The following KDM4C variants were observed in gnomAD, a reference collection of about 807,000 sequenced individuals.
KDM4C encodes the protein lysine-specific demethylase 4C.
In KDM4C, 81 loss-of-function variants were observed where a neutral mutation model predicts 129.3. The observed-to-expected ratio is 0.63, with a 90% CI of 0.52 to 0.75. The LOEUF (loss-of-function observed/expected upper bound fraction) is 0.75. Among genes scored for constraint, KDM4C ranks in the 30% least tolerant of loss-of-function variants. KDM4C has a pLI of 0.00. For synonymous variants in KDM4C, 573 were observed against 456.1 expected (o/e 1.26, Z -3.26); for missense variants, 1,457 against 1,304.0 (o/e 1.12, Z -1.81).
intron 6 of KDM4C, 57 bp from the exon 7 acceptor site, chr9:6,887,903 A>G (rs1845534885): frequency 9.8e-7 from 1 of 1,016,872 alleles, no homozygotes; most frequent in Admixed American, 1.7e-5. Flanking sequence ...TAAAAAACCT[A>G]TTTGATATTT....
At chr9:7,075,111 G>C (rs932267955) in intron 17 of KDM4C, among the ~76,000 whole-genome samples, 7 of 152,160 alleles carry the variant, frequency 4.6e-5, no homozygotes, top group Admixed American at 2.0e-4. Flanking sequence ...CATCCCAGCT[G>C]TGATGGTGGG....
intron 11 of KDM4C, among the ~76,000 whole-genome samples, chr9:6,989,579 T>A (rs1818358296): frequency 6.6e-6 from 1 of 152,174 alleles, no homozygotes. Context: ...AAAAAGAGAA[T>A]ACTTTTGGTT....
intron 8 of KDM4C, among the ~76,000 whole-genome samples, chr9:6,935,441 G>C (rs1681682489): frequency 6.6e-6 from 1 of 150,612 alleles, no homozygotes; most frequent in African/African-American, 2.4e-5. Context: ...TTTTGAGATG[G>C]AGTCTTGCTC....
intron 5 of KDM4C, among the ~76,000 whole-genome samples, chr9:6,865,113 A>T (rs1218649176): frequency 6.6e-6 from 1 of 151,398 alleles, no homozygotes; most frequent in Non-Finnish European, 1.5e-5. Flanking sequence ...GGTTCAAGCA[A>T]TTCTCCTGCT....
In KDM4C at chr9:7,169,885, C is replaced by G. The variant is rs1293302515; in HGVS notation, c.2989C>G (p.Arg997Gly). ...DEELPKRVKA[R>G]FSTASDMRFE... ...AGAGTTACCCAAGAGAGTGAAAGCT[C>G]GATTTGTAAGTGCTGGCAGATGCCA... The change falls in exon 21 of 22, where the codon CGA (arginine) becomes GGA (glycine). Residue 997 changes from arginine to glycine, a missense_variant. Transcript: ENST00000381309. 1.2e-6 allele frequency: 2 copies of G among 1,613,760 alleles called. No homozygotes were observed. Among genetic ancestry groups the G allele is most frequent in the Non-Finnish European group, 1.7e-6 (2 of 1,179,892 alleles).
chr9:6,925,592 C>T, intron 8 of KDM4C: 1 of 985,406 alleles, frequency 1.0e-6, no homozygotes, highest in Non-Finnish European at 1.2e-6. Flanking sequence ...CATGCCTGGG[C>T]AGACCCTCAG....
chr9:7,078,402 T>A (rs950120934), intron 17 of KDM4C, among the ~76,000 whole-genome samples: 6 of 152,010 alleles, frequency 3.9e-5, no homozygotes, highest in African/African-American at 1.4e-4. Flanking sequence ...CTTTTTTTTT[T>A]TGTCTTCAAC....
intron 1 of KDM4C, among the ~76,000 whole-genome samples, chr9:6,752,332 CAAAAAAAAAAAA>C (rs1159747148): frequency 9.9e-4 from 19 of 19,262 alleles, no homozygotes; most frequent in South Asian, 9.5e-3. Flanking sequence ...AACTCCGTCT[CAAAAAAAAAAAA>C]AAAAAAAAAA....
At chr9:7,108,572 G>C (rs1837965419) in intron 18 of KDM4C, among the ~76,000 whole-genome samples, 1 of 152,150 alleles carries the variant, frequency 6.6e-6, no homozygotes. Context: ...CTTTAGGCCA[G>C]CTCCCAGGCC....
At chr9:7,054,281 G>T (rs1830582526) in intron 17 of KDM4C, among the ~76,000 whole-genome samples, 1 of 152,024 alleles carries the variant, frequency 6.6e-6, no homozygotes, top group Admixed American at 6.5e-5. Context: ...GACCCCAAGT[G>T]GTATAGATTT....
At chr9:6,754,700 C>G (rs1015169456), upstream of KDM4C, among the ~76,000 whole-genome samples, 8 of 151,628 alleles carry the variant, frequency 5.3e-5, no homozygotes, top group Non-Finnish European at 8.8e-5. Flanking sequence ...CATAGTGAGA[C>G]CCTGACTCTA....
chr9:6,930,108 G>A (rs532695658), intron 8 of KDM4C, among the ~76,000 whole-genome samples: 1 of 152,286 alleles, frequency 6.6e-6, no homozygotes, highest in African/African-American at 2.4e-5. Flanking sequence ...TTGGTGCTAT[G>A]CTAAGTGTCT....
intron 8 of KDM4C, among the ~76,000 whole-genome samples, chr9:6,978,209 G>A (rs575497888): frequency 6.6e-6 from 1 of 152,310 alleles, no homozygotes; most frequent in African/African-American, 2.4e-5. Context: ...TAGCTTGTCA[G>A]TGTTGAAGCT....
chr9:7,133,923 C>G (rs1004629285), intron 19 of KDM4C, among the ~76,000 whole-genome samples: 1 of 152,146 alleles, frequency 6.6e-6, no homozygotes, highest in African/African-American at 2.4e-5. Flanking sequence ...TTTGAGGTGT[C>G]CTAGATGTTC....
At chr9:6,861,727 G>A (rs1840957134) in intron 5 of KDM4C, among the ~76,000 whole-genome samples, 1 of 150,954 alleles carries the variant, frequency 6.6e-6, no homozygotes, top group Admixed American at 6.6e-5. Flanking sequence ...CATGCATAAA[G>A]TTTCTTGAAC....
intron 17 of KDM4C, chr9:7,076,773 G>C (rs1833969263): frequency 9.2e-7 from 1 of 1,089,552 alleles, no homozygotes; most frequent in Non-Finnish European, 1.1e-6. Flanking sequence ...GTATCCTAGA[G>C]TTTCCCTTTC....
intron 17 of KDM4C, among the ~76,000 whole-genome samples, chr9:7,059,509 G>A (rs940023303): frequency 1.3e-5 from 2 of 152,200 alleles, no homozygotes; most frequent in South Asian, 2.1e-4. Context: ...AGCTACTGCA[G>A]TACATGGTAT....
Position 6,729,436 on chromosome 9 carries a change from G to A in KDM4C, c.49+8439G>A, listed in dbSNP as rs572463775. On this transcript the variant is annotated intron_variant, in intron 1 of 17. Coordinates refer to the KDM4C transcript ENST00000536108. ...CGCTCCTGTTGTCCCAGTTACTTAGGAGGCTTTGGTGGGAGGACTGCTTGA... is the reference window on the plus strand; with the variant it reads ...CGCTCCTGTTGTCCCAGTTACTTAGAAGGCTTTGGTGGGAGGACTGCTTGA... Among the ~76,000 whole-genome samples, 6 of 127,860 alleles carry A rather than the reference G, an allele frequency of 4.7e-5. 1 individual carries two copies. The East Asian group carries it at 7.7e-4, about 16-fold the overall frequency. The allele number at this position is 127,860 out of a possible 152,430, so 83.9% of individuals were successfully genotyped here.
chr9:6,787,585 T>TA (rs1426369444), intron 1 of KDM4C, among the ~76,000 whole-genome samples: 10 of 152,358 alleles, frequency 6.6e-5, no homozygotes, highest in Admixed American at 3.9e-4. Context: ...GTATTTCTCT[T>TA]ACTTCTGTCA....
Sources: gnomAD v4.1 joint callset for allele counts (sites outside exome capture counted in the v4.1 genomes callset) on GRCh38, gnomAD v4.1.1 for gene constraint, MANE v1.5 for transcripts, NCBI Gene and HGNC (gene_info 2026-07-23, HGNC 2026-07-21) for gene names.